The following STAG1 variants were observed in gnomAD, a reference collection of about 807,000 sequenced individuals.
STAG1 encodes the protein cohesin subunit SA-1.
In STAG1, 26 loss-of-function variants were observed where a neutral mutation model predicts 170.9. The ratio of observed to expected loss-of-function variants is 0.15; its 90% CI spans 0.11 to 0.21. STAG1 has a LOEUF of 0.21. Ranked by LOEUF, STAG1 falls within the 10% of genes least tolerant of loss-of-function variation. STAG1 has a pLI of 1.00. For missense variants in STAG1, 964 were observed against 1,509.5 expected, an observed-to-expected ratio of 0.64 and a Z score of 5.99; for synonymous variants, 514 against 497.7, an observed-to-expected ratio of 1.03 and a Z score of -0.44.
intron 1 of STAG1, among the ~76,000 whole-genome samples, chr3:136,643,480 C>T (rs1412308388): frequency 6.6e-6 from 1 of 152,134 alleles, no homozygotes; most frequent in African/African-American, 2.4e-5. Flanking sequence ...AGTGTAATGA[C>T]CAAGGCAGGA....
At chr3:136,552,714 A>G (rs72971421) in intron 5 of STAG1, among the ~76,000 whole-genome samples, 121 of 152,294 alleles carry the variant, frequency 7.9e-4, no homozygotes, top group African/African-American at 2.9e-3. Flanking sequence ...TGGGGAAAAT[A>G]AAGTTTTTCT....
chr3:136,726,747 C>G (rs1276679451), intron 1 of STAG1, among the ~76,000 whole-genome samples: 2 of 152,064 alleles, frequency 1.3e-5, no homozygotes, highest in African/African-American at 4.8e-5. Context: ...TTTAAACATT[C>G]CTCTTCTTAA....
rs1477839480 is a variant in STAG1, at chr3:136,336,324, T to C, written c.*1930A>G. 6.6e-6 allele frequency: 1 copy of C among 152,184 alleles called. No individual in the cohort carries two copies. Among genetic ancestry groups the C allele is most frequent in the East Asian group, 1.9e-4 (1 of 5,194 alleles). 9.4% of individuals were successfully genotyped at this position (152,184 alleles called of 1,614,324 possible). A position where few individuals can be genotyped will look rare whatever the true frequency, so the allele number is the denominator to read the frequency against. ...AAAACCTCATATTGCAAATGTACAA[T>C]TTACAGAATTACTAGCAAAACCAAT... On this transcript the variant is annotated 3_prime_UTR_variant, in exon 34 of 34. Transcript: ENST00000383202.
At chr3:136,589,701 T>G (rs1385048077) in intron 4 of STAG1, among the ~76,000 whole-genome samples, 1 of 140,680 alleles carries the variant, frequency 7.1e-6, no homozygotes, top group African/African-American at 2.7e-5. Context: ...GAGGCCAAGG[T>G]GGGTCCATCA....
At chr3:136,450,124 G>A (rs904889362) in intron 14 of STAG1, among the ~76,000 whole-genome samples, 9 of 152,008 alleles carry the variant, frequency 5.9e-5, no homozygotes, top group African/African-American at 1.7e-4. Context: ...TGATATTTAC[G>A]GGGTAGTTAG....
intron 7 of STAG1, among the ~76,000 whole-genome samples, chr3:136,509,004 A>T (rs2107880254): frequency 6.6e-6 from 1 of 152,388 alleles, no homozygotes; most frequent in East Asian, 1.9e-4. Flanking sequence ...GGGAGCTATT[A>T]GCAAAATAAT....
intron 6 of STAG1, among the ~76,000 whole-genome samples, chr3:136,531,652 T>A (rs1187731910): frequency 6.7e-6 from 1 of 149,816 alleles, no homozygotes; most frequent in Non-Finnish European, 1.5e-5. Context: ...CAGTAAACTA[T>A]CGCAAGAACA....
rs529621593 is a variant in STAG1 at position 136,598,616 on chromosome 3, C to T, written c.297+5693G>A. Reference sequence around the variant, plus strand: ...TAATTTTTTGTATTTTTAGTAGAGACGGGGTTTCACTGTGTTACCCAGGAT... The same window carrying T: ...TAATTTTTTGTATTTTTAGTAGAGATGGGGTTTCACTGTGTTACCCAGGAT... On this transcript the variant is annotated intron_variant, in intron 4 of 33. Coordinates refer to ENST00000383202, the MANE Select transcript of STAG1 (RefSeq NM_005862.3). 2.4e-4 allele frequency among the ~76,000 whole-genome samples: 37 copies of T among 151,972 alleles called. No homozygotes were observed. The South Asian group carries it at 6.0e-3, about 25-fold the overall frequency.
chr3:136,689,331 C>A (rs552521541), intron 1 of STAG1, among the ~76,000 whole-genome samples: 5 of 152,262 alleles, frequency 3.3e-5, no homozygotes, highest in Admixed American at 3.3e-4. Flanking sequence ...GTACATATAG[C>A]TTTTCCTGGA....
chr3:136,572,176 C>T (rs1559885579), intron 4 of STAG1, among the ~76,000 whole-genome samples: 1 of 152,104 alleles, frequency 6.6e-6, no homozygotes, highest in African/African-American at 2.4e-5. Context: ...GATGGTGCCA[C>T]TGCACTCCAG....
Position 136,412,017 on chromosome 3 carries a change from G to A in STAG1, c.2196+5868C>T, listed in dbSNP as rs564389629. Among the ~76,000 whole-genome samples, 19 of 134,056 alleles carry A rather than the reference G, an allele frequency of 1.4e-4. No homozygotes were observed. The East Asian group carries it at 2.5e-3, about 18-fold the overall frequency. 87.9% of individuals were successfully genotyped at this position (134,056 alleles called of 152,430 possible). ...GGCCTGGGTGACAGAACGAGACTTCGTCTAAAAAACAAACAAACAAACAAA... is the reference window on the plus strand; with the variant it reads ...GGCCTGGGTGACAGAACGAGACTTCATCTAAAAAACAAACAAACAAACAAA... On this transcript the variant is annotated intron_variant, in intron 21 of 33. Coordinates refer to ENST00000383202, the MANE Select transcript of STAG1 (RefSeq NM_005862.3).
intron 27 of STAG1, among the ~76,000 whole-genome samples, chr3:136,358,177 T>C (rs1253208499): frequency 6.6e-6 from 1 of 151,916 alleles, no homozygotes; most frequent in African/African-American, 2.4e-5. Flanking sequence ...CTTGACTTCC[T>C]GGGCTTAGGT....
intron 9 of STAG1, among the ~76,000 whole-genome samples, chr3:136,478,020 C>A (rs2089800993): frequency 2.6e-5 from 4 of 152,064 alleles, no homozygotes. Flanking sequence ...GAACTCCTGA[C>A]CTCAAGTGAT....
chr3:136,422,153 CAAAA>C (rs11312063), intron 19 of STAG1, among the ~76,000 whole-genome samples: 9 of 96,502 alleles, frequency 9.3e-5, no homozygotes, highest in Admixed American at 1.1e-4. Context: ...GACTCTGCCT[CAAAA>C]AAAAAAAAAA....
chr3:136,666,074 CAAAAAAAAAAAAAAAAAAAAAAAAA>C (rs576009223), intron 1 of STAG1, among the ~76,000 whole-genome samples: 2 of 51,142 alleles, frequency 3.9e-5, no homozygotes, highest in African/African-American at 5.3e-5. Context: ...GACTCCATCT[CAAAAAAAAAAAAAAAAAAAAAAAAA>C]AAAAAAAAAA....
chr3:136,426,453 A>G (rs1192046013), intron 16 of STAG1, among the ~76,000 whole-genome samples: 1 of 152,332 alleles, frequency 6.6e-6, no homozygotes, highest in Admixed American at 6.5e-5. Context: ...CAAGCCATGT[A>G]GCCTAGAAAT....
intron 14 of STAG1, among the ~76,000 whole-genome samples, chr3:136,444,292 T>C (rs1387948412): frequency 6.6e-6 from 1 of 152,164 alleles, no homozygotes; most frequent in Non-Finnish European, 1.5e-5. Context: ...CAGACTGGCC[T>C]TCAACTCCTG....
intron 1 of STAG1, among the ~76,000 whole-genome samples, chr3:136,703,210 AAAGTC>A (rs1210828449): frequency 1.3e-5 from 2 of 152,194 alleles, no homozygotes; most frequent in Admixed American, 6.5e-5. Context: ...CAGAACTCTA[AAAGTC>A]TAGTCAAACA....
chr3:136,750,614 T>C (rs1935178524), intron 1 of STAG1, among the ~76,000 whole-genome samples: 1 of 152,258 alleles, frequency 6.6e-6, no homozygotes, highest in African/African-American at 2.4e-5. Flanking sequence ...AGCAGTTCGT[T>C]TGTGAAAATG....
Sources: allele counts gnomAD v4.1 joint callset (sites outside exome capture counted in the v4.1 genomes callset), GRCh38; gene constraint gnomAD v4.1.1; transcripts MANE v1.5; gene names NCBI Gene and HGNC (gene_info 2026-07-23, HGNC 2026-07-21).